ALAD: variants seen among roughly 807,000 people sequenced by gnomAD.
ALAD encodes aminolevulinate dehydratase, also known as delta-aminolevulinic acid dehydratase.
A neutral mutation model predicts 44.4 loss-of-function variants in ALAD; 20 were observed. That is an observed-to-expected ratio of 0.45 (90% CI 0.32 to 0.65). ALAD has a LOEUF of 0.65. Among genes scored for constraint, ALAD ranks in the 30% least tolerant of loss-of-function variants. The pLI is 0.05. For missense variants in ALAD, 323 were observed against 445.7 expected, an observed-to-expected ratio of 0.72 and a Z score of 2.48; for synonymous variants, 156 against 167.9, an observed-to-expected ratio of 0.93 and a Z score of 0.55.
chr9:113,391,404 A>C, intron 4 of ALAD, 123 bp downstream of exon 4: 2 of 835,450 alleles, frequency 2.4e-6, no homozygotes, highest in Non-Finnish European at 4.1e-6. Context: ...GGGTTTTGCC[A>C]TGTTGTCCAG....
chr9:113,396,095 C>CTGAG (rs1423937761), intron 1 of ALAD, among the ~76,000 whole-genome samples: 3 of 152,168 alleles, frequency 2.0e-5, no homozygotes, highest in Non-Finnish European at 2.9e-5. Context: ...ACTTCAGAAG[C>CTGAG]TGAGATAGGA....
intron 1 of ALAD, among the ~76,000 whole-genome samples, chr9:113,400,332 T>C: frequency 6.6e-6 from 1 of 152,178 alleles, no homozygotes; most frequent in East Asian, 1.9e-4. Flanking sequence ...CCCAGCAGGT[T>C]GGGCTTGTGG....
intron 2 of ALAD, chr9:113,393,240 T>A: frequency 1.6e-6 from 1 of 609,584 alleles, no homozygotes; most frequent in South Asian, 1.9e-5. Context: ...ATTTTCCAAA[T>A]GGGATGAATG....
Position 113,390,634 on chromosome 9 carries a change from CG to C in ALAD, c.439del (p.Arg147AlafsTer19). ...CAATGCCACCTCAGCCAGCCGCTGGCGGCTCTCCTCAGCCCGGAATGCTCCG... is the reference window on the plus strand; with the variant it reads ...CAATGCCACCTCAGCCAGCCGCTGGCGCTCTCCTCAGCCCGGAATGCTCCG... ...ENGAFRAEES[R>X]QRLAEVALAY... is the part of the protein sequence containing the mutation. On this transcript the variant is annotated frameshift_variant, in exon 6 of 12. Coordinates refer to ENST00000409155, the MANE Select transcript of ALAD (RefSeq NM_000031.6). LOFTEE classifies it high-confidence loss of function. The C allele has an allele frequency of 6.2e-7, 1 of 1,614,138 alleles. No individual in the cohort carries two copies. Among genetic ancestry groups the C allele is most frequent in the Non-Finnish European group, 8.5e-7 (1 of 1,180,014 alleles).
chr9:113,393,128 C>G, intron 2 of ALAD: 1 of 344,930 alleles, frequency 2.9e-6, no homozygotes, highest in East Asian at 6.3e-5. Context: ...TCAATGACTG[C>G]CATCTCTTAC....
Position 113,387,847 on chromosome 9 carries a change from C to G in ALAD, c.*453G>C, listed in dbSNP as rs550901534. ...GAATTGCGGCAAATTTCAACTCTAA[C>G]CCAGGGATATCGATCTAGGCCTCAT... is the stretch of plus-strand genomic sequence containing the variant. On this transcript the variant is annotated 3_prime_UTR_variant, in exon 12 of 12. Transcript: ENST00000409155. 4 of 231,244 alleles carry G rather than the reference C, an allele frequency of 1.7e-5. No individual in the cohort carries two copies. Among genetic ancestry groups the G allele is most frequent in the African/African-American group, 9.0e-5 (4 of 44,588 alleles). 14.3% of individuals were successfully genotyped at this position (231,244 alleles called of 1,614,324 possible).
At chr9:113,392,095 G>C (rs1827601245) in intron 3 of ALAD, 24 bp downstream of exon 3, 2 of 1,590,688 alleles carry the variant, frequency 1.3e-6, no homozygotes, top group South Asian at 2.3e-5. Flanking sequence ...CCACCCGCTG[G>C]CCCCCCAACT....
rs980453242 is a variant in ALAD, at chr9:113,393,480, T to C, written c.80A>G (p.Asn27Ser). Reference protein sequence around the residue: ...RAWQTATTTLNASNLIYPIFV... With the variant: ...RAWQTATTTLSASNLIYPIFV... ...GATGGGGTAGATGAGGTTGGAGGCA[T>C]TGAGGGTGGTGGTGGCTGTCTGCCA... Residue 27 changes from asparagine to serine, a missense_variant, in exon 2 of 12, where the codon AAT becomes AGT. Asn to Ser is a conservative substitution (Grantham distance 46). Coordinates refer to ENST00000409155, the MANE Select transcript of ALAD (RefSeq NM_000031.6). The C allele has an allele frequency of 6.3e-6, 10 of 1,598,424 alleles. No homozygotes were observed. The highest frequency in any genetic ancestry group is 2.3e-5 in the East Asian group (1 of 43,458).
chr9:113,392,702 A>C (rs766954037), intron 2 of ALAD: 1 of 162,416 alleles, frequency 6.2e-6, no homozygotes, highest in Non-Finnish European at 1.4e-5. Context: ...TCTTCATACA[A>C]ATGCTCTCAG....
In ALAD at chr9:113,387,997, G is replaced by A. The variant is rs1393231601; in HGVS notation, c.*303C>T. 2.5e-5 allele frequency: 11 copies of A among 437,644 alleles called. No individual in the cohort carries two copies. Among genetic ancestry groups the A allele is most frequent in the African/African-American group, 1.4e-4 (7 of 49,802 alleles). The allele number at this position is 437,644 out of a possible 1,614,324, so 27.1% of individuals were successfully genotyped here. On this transcript the variant is annotated 3_prime_UTR_variant, in exon 12 of 12. Transcript: ENST00000409155. Reference sequence around the variant, plus strand: ...GCCAGGCCCCAAAGGCTGTGCCCCCGACTCCAGGTTGCTTTCAAGCTGAAG... The same window carrying A: ...GCCAGGCCCCAAAGGCTGTGCCCCCAACTCCAGGTTGCTTTCAAGCTGAAG...
At chr9:113,388,393 G>A in intron 11 of ALAD, 32 bp from the exon 12 acceptor site, 3 of 1,607,742 alleles carry the variant, frequency 1.9e-6, no homozygotes, top group Non-Finnish European at 2.6e-6. Context: ...AAGTTGCTGG[G>A]GGGACGCTGA....
rs745479063 is a variant in ALAD, at chr9:113,393,601, C to G, written c.-42G>C. ...CACAGGGGCATCAGTTGGTTGGAAC[C>G]GAGGGCTCCTGGGGCATTGGCTGCA... On this transcript the variant is annotated 5_prime_UTR_variant, in exon 2 of 12. Transcript: ENST00000409155. 6.5e-7 allele frequency: 1 copy of G among 1,547,416 alleles called. No individual in the cohort carries two copies. The highest frequency in any genetic ancestry group is 1.1e-5 in the South Asian group (1 of 89,666).
chr9:113,395,850 G>T (rs1469508277), intron 1 of ALAD, among the ~76,000 whole-genome samples: 1 of 152,174 alleles, frequency 6.6e-6, no homozygotes, highest in Non-Finnish European at 1.5e-5. Flanking sequence ...TTGAGGTCTG[G>T]AGTTTGAGAC....
At position 113,388,390 on chromosome 9, in the gene ALAD, T is replaced by C. The variant is rs143589885; in HGVS notation, c.932-29A>G. 620 of 1,609,914 alleles carry C rather than the reference T, an allele frequency of 3.9e-4. 3 individuals are homozygous for C. The East Asian group carries it at 0.012, about 32-fold the overall frequency. On this transcript the variant is annotated intron_variant, in intron 11 of 11. Coordinates refer to ENST00000409155, the MANE Select transcript of ALAD (RefSeq NM_000031.6). ...TGTTGGGAGAGATGCAGAAAGTTGC[T>C]GGGGGGACGCTGATCAGCTCTGAGC... is the stretch of plus-strand genomic sequence containing the variant.
chr9:113,387,365 C>T lies in ALAD; in HGVS notation c.*935G>A, dbSNP rs1007949060. The T allele has an allele frequency of 1.3e-5, 2 of 152,226 alleles. No individual in the cohort carries two copies. The highest frequency in any genetic ancestry group is 4.8e-5 in the African/African-American group (2 of 41,482). 9.4% of individuals were successfully genotyped at this position (152,226 alleles called of 1,614,324 possible). A position where few individuals can be genotyped will look rare whatever the true frequency, so the allele number is the denominator to read the frequency against. ...TGGTGACCTCCTTCAGAGCACCTGTCACCACATCACTGGTGCATGTCTGCC... is the reference window on the plus strand; with the variant it reads ...TGGTGACCTCCTTCAGAGCACCTGTTACCACATCACTGGTGCATGTCTGCC... On this transcript the variant is annotated 3_prime_UTR_variant, in exon 12 of 12. Transcript: ENST00000409155.
At chr9:113,392,535 C>T (rs1827620083) in intron 2 of ALAD, 1 of 287,510 alleles carries the variant, frequency 3.5e-6, no homozygotes, top group Non-Finnish European at 6.7e-6. Context: ...AGGCCTTCAT[C>T]TATATCATGC....
chr9:113,392,545 C>T (rs1050324583), intron 2 of ALAD: 1 of 260,622 alleles, frequency 3.8e-6, no homozygotes, highest in Non-Finnish European at 7.5e-6. Flanking sequence ...CTATATCATG[C>T]GTGGTTAATT....
intron 7 of ALAD, 133 bp downstream of exon 7, chr9:113,390,272 T>C (rs1198570896): frequency 3.2e-6 from 3 of 927,898 alleles, no homozygotes; most frequent in Non-Finnish European, 5.1e-6. Flanking sequence ...TCTACCTGCC[T>C]CAGCCTCCCA....
At chr9:113,399,066 C>T (rs1194893419) in intron 1 of ALAD, among the ~76,000 whole-genome samples, 1 of 152,198 alleles carries the variant, frequency 6.6e-6, no homozygotes, top group Non-Finnish European at 1.5e-5. Context: ...CCACATCAGA[C>T]AGGTTAGCTT....
Sources: allele counts gnomAD v4.1 joint callset (sites outside exome capture counted in the v4.1 genomes callset), GRCh38; gene constraint gnomAD v4.1.1; transcripts MANE v1.5; gene names NCBI Gene and HGNC (gene_info 2026-07-23, HGNC 2026-07-21).